ZFHX3: variants seen among roughly 807,000 people sequenced by gnomAD.
ZFHX3 encodes zinc finger homeobox 3, also known as zinc finger homeobox protein 3.
Under a neutral mutation model 279.1 loss-of-function variants are expected in ZFHX3, and 42 were observed. That is an observed-to-expected ratio of 0.15 (90% confidence interval 0.12 to 0.19). The LOEUF (loss-of-function observed/expected upper bound fraction) is 0.19, where lower values mean the gene tolerates loss of function less well. ZFHX3 is among the 10% of genes least tolerant of loss of function. The pLI is 1.00. For missense variants in ZFHX3, 4,981 were observed against 4,754.0 expected (o/e 1.05, Z -1.40); for synonymous variants, 2,293 against 1,957.8 (o/e 1.17, Z -4.52).
At chr16:73,462,313 C>T (rs1375932708) in intron 2 of ZFHX3, among the ~76,000 whole-genome samples, 1 of 152,072 alleles carries the variant, frequency 6.6e-6, no homozygotes. Context: ...TCCTAAATTT[C>T]CTTATCCCTT....
At chr16:73,125,790 A>ATG (rs1430934962) in intron 7 of ZFHX3, among the ~76,000 whole-genome samples, 3 of 149,472 alleles carry the variant, frequency 2.0e-5, no homozygotes, top group Non-Finnish European at 4.5e-5. Flanking sequence ...ATATATATAT[A>ATG]TGTGTGTATA....
intron 4 of ZFHX3, among the ~76,000 whole-genome samples, chr16:72,889,133 C>T (rs1441935401): frequency 1.3e-5 from 2 of 152,002 alleles, no homozygotes; most frequent in East Asian, 3.9e-4. Context: ...AGGCAAGCTC[C>T]CACTAGCAGG....
chr16:72,817,062 T>C (rs1379992547), intron 5 of ZFHX3, among the ~76,000 whole-genome samples: 4 of 152,258 alleles, frequency 2.6e-5, no homozygotes, highest in African/African-American at 7.2e-5. Flanking sequence ...GTTGTAAGCA[T>C]ATAGAATAAT....
chr16:73,309,527 G>C (rs990877015), intron 4 of ZFHX3, among the ~76,000 whole-genome samples: 1 of 152,210 alleles, frequency 6.6e-6, no homozygotes, highest in African/African-American at 2.4e-5. Flanking sequence ...GAACCCATGA[G>C]GGGGTTGTGG....
At chr16:72,810,741 C>G (rs1388956189) in intron 7 of ZFHX3, among the ~76,000 whole-genome samples, 1 of 152,150 alleles carries the variant, frequency 6.6e-6, no homozygotes, top group Admixed American at 6.5e-5. Context: ...AAAGTATCCA[C>G]TGAGAAACTC....
At chr16:73,391,096 G>A (rs758907740) in intron 3 of ZFHX3, among the ~76,000 whole-genome samples, 3 of 152,160 alleles carry the variant, frequency 2.0e-5, no homozygotes, top group African/African-American at 4.8e-5. Context: ...TGACCTGAGC[G>A]TGGGAGGCAC....
At chr16:73,813,989 G>T (rs1483100711) in intron 1 of ZFHX3, 4 of 152,152 alleles carry the variant, frequency 2.6e-5, no homozygotes, top group South Asian at 4.1e-4. Context: ...CTGTTATTGG[G>T]TATCACTCTT....
chr16:72,926,211 T>C (rs145862801), intron 3 of ZFHX3, among the ~76,000 whole-genome samples: 13 of 152,336 alleles, frequency 8.5e-5, no homozygotes, highest in African/African-American at 2.9e-4. Flanking sequence ...TATGCCCTTA[T>C]AGCTAAACTC....
At chr16:73,617,893 A>C (rs1393862482) in intron 2 of ZFHX3, among the ~76,000 whole-genome samples, 1 of 152,174 alleles carries the variant, frequency 6.6e-6, no homozygotes, top group Non-Finnish European at 1.5e-5. Flanking sequence ...GTCCCCCTTG[A>C]GTGTCTTAAA....
rs142768744 is a variant in ZFHX3, at chr16:73,111,129, C to T, written c.-896-17531G>A. Among the ~76,000 whole-genome samples, 1,363 of 152,028 alleles carry T rather than the reference C, an allele frequency of 9.0e-3. 24 individuals are homozygous for T. Among genetic ancestry groups the T allele is most frequent in the African/African-American group, 0.03 (1,234 of 41,474 alleles). On this transcript the variant is annotated intron_variant, in intron 7 of 17. Coordinates refer to the ZFHX3 transcript ENST00000641206. The stretch of plus-strand genomic sequence containing the variant: ...CTAATTTTTGTATTTTTAGTAGAGA[C>T]GAGGTTTCACCATGTTGGTCAGGCT...
At chr16:73,604,740 G>A (rs1457752020) in intron 2 of ZFHX3, among the ~76,000 whole-genome samples, 8 of 70,132 alleles carry the variant, frequency 1.1e-4, no homozygotes, top group Non-Finnish European at 2.7e-4. Flanking sequence ...GGGAGACTCC[G>A]TGAAAAAAAA....
intron 2 of ZFHX3, among the ~76,000 whole-genome samples, chr16:73,643,234 T>G (rs2052589408): frequency 6.6e-6 from 1 of 152,040 alleles, no homozygotes; most frequent in African/African-American, 2.4e-5. Flanking sequence ...ATTTAATTCC[T>G]CACAGAATTT....
intron 2 of ZFHX3, among the ~76,000 whole-genome samples, chr16:73,582,877 T>G (rs1023632259): frequency 4.6e-5 from 7 of 152,012 alleles, no homozygotes; most frequent in African/African-American, 1.7e-4. Context: ...CCATATAAAA[T>G]CTACATGCTC....
intron 5 of ZFHX3, among the ~76,000 whole-genome samples, chr16:73,163,638 A>G (rs1009244474): frequency 5.3e-5 from 8 of 152,218 alleles, no homozygotes; most frequent in African/African-American, 1.9e-4. Context: ...TGAAAGGACA[A>G]TAGTAAGTGG....
chr16:73,368,415 G>A (rs2016567806), intron 3 of ZFHX3, among the ~76,000 whole-genome samples: 1 of 152,138 alleles, frequency 6.6e-6, no homozygotes, highest in South Asian at 2.1e-4. Flanking sequence ...TGTGAATTCA[G>A]TTGCTGTGGT....
chr16:73,521,587 C>T (rs2019609114), intron 2 of ZFHX3, among the ~76,000 whole-genome samples: 1 of 151,924 alleles, frequency 6.6e-6, no homozygotes, highest in African/African-American at 2.4e-5. Flanking sequence ...TCCTTTTCGC[C>T]GGTGGCTCTC....
chr16:73,329,490 T>C (rs1328383802), intron 3 of ZFHX3, among the ~76,000 whole-genome samples: 3 of 152,266 alleles, frequency 2.0e-5, no homozygotes, highest in Admixed American at 6.5e-5. Context: ...CAGATCCTCA[T>C]TGGCATGCCA....
intron 2 of ZFHX3, among the ~76,000 whole-genome samples, chr16:73,472,883 T>C (rs2018693925): frequency 6.6e-6 from 1 of 152,194 alleles, no homozygotes; most frequent in Non-Finnish European, 1.5e-5. Context: ...CTTGGTCCAC[T>C]GAGGGATTTC....
At position 73,065,306 on chromosome 16, in the gene ZFHX3, C is replaced by T. The variant is rs566616745; in HGVS notation, c.-532-6294G>A. 3.5e-4 allele frequency among the ~76,000 whole-genome samples: 54 copies of T among 152,270 alleles called. 1 individual carries two copies. Among genetic ancestry groups the T allele is most frequent in the African/African-American group, 1.3e-3 (52 of 41,560 alleles). On this transcript the variant is annotated intron_variant, in intron 8 of 17. Coordinates refer to the ZFHX3 transcript ENST00000641206. ...GATGCGCGGCTGAACAATCCCCCCA[C>T]CCCACCCCATGCTTGCATTTCTTGC...
Sources: gnomAD v4.1 joint callset for allele counts (sites outside exome capture counted in the v4.1 genomes callset) on GRCh38, gnomAD v4.1.1 for gene constraint, MANE v1.5 for transcripts, NCBI Gene and HGNC (gene_info 2026-07-23, HGNC 2026-07-21) for gene names.